Variants in CEP57 observed in about 807,000 individuals in gnomAD.
CEP57 encodes the protein centrosomal protein of 57 kDa.
In CEP57, 40 loss-of-function variants were observed where a neutral mutation model predicts 68.0. The observed-to-expected ratio is 0.59, with a 90% CI of 0.46 to 0.77. CEP57 has a LOEUF of 0.77. Ranked by LOEUF, CEP57 falls within the 30% of genes least tolerant of loss-of-function variation. CEP57 has a pLI of 0.00. For synonymous variants in CEP57, 219 were observed against 198.7 expected, an observed-to-expected ratio of 1.10 and a Z score of -0.86; for missense variants, 606 against 580.7, an observed-to-expected ratio of 1.04 and a Z score of -0.45.
intron 6 of CEP57, 149 bp downstream of exon 6, chr11:95,819,053 A>T: frequency 1.5e-6 from 1 of 679,770 alleles, no homozygotes; most frequent in Non-Finnish European, 2.6e-6. Context: ...GTAGAAAATT[A>T]TGAACAAGTA....
intron 2 of CEP57, among the ~76,000 whole-genome samples, chr11:95,808,023 G>A (rs535526973): frequency 3.3e-5 from 5 of 152,146 alleles, no homozygotes; most frequent in African/African-American, 7.2e-5. Flanking sequence ...CAGATCTCTC[G>A]GCAGAAACTA....
chr11:95,809,475 C>T (rs562040246), intron 2 of CEP57, among the ~76,000 whole-genome samples: 4 of 151,972 alleles, frequency 2.6e-5, no homozygotes, highest in East Asian at 1.9e-4. Context: ...AGAAGTAAAG[C>T]GAGAAGAATC....
chr11:95,797,791 AGTTT>A (rs1861413388), intron 1 of CEP57, among the ~76,000 whole-genome samples: 2 of 152,228 alleles, frequency 1.3e-5, no homozygotes, highest in Admixed American at 1.3e-4. Flanking sequence ...TTGGGGAACT[AGTTT>A]GTTAGTTAAT....
At chr11:95,798,445 G>GA (rs1381637250) in intron 1 of CEP57, among the ~76,000 whole-genome samples, 2 of 152,174 alleles carry the variant, frequency 1.3e-5, no homozygotes, top group Non-Finnish European at 2.9e-5. Flanking sequence ...GGTAAGAATT[G>GA]AAAAACATAG....
chr11:95,790,423 C>A (rs1860958317), upstream of CEP57: 1 of 544,502 alleles, frequency 1.8e-6, no homozygotes, highest in East Asian at 3.1e-5. Context: ...AGGGAAGAGG[C>A]GGATTCTCTC....
chr11:95,794,350 G>C (rs1334684223), intron 1 of CEP57: 2 of 455,658 alleles, frequency 4.4e-6, no homozygotes, highest in African/African-American at 4.0e-5. Flanking sequence ...TGAATTATCT[G>C]GTTCACAGAG....
At chr11:95,830,319 G>A (rs779160406) in intron 10 of CEP57, among the ~76,000 whole-genome samples, 9 of 152,040 alleles carry the variant, frequency 5.9e-5, no homozygotes, top group Non-Finnish European at 1.2e-4. Flanking sequence ...CTAAAACTTT[G>A]GCTGTTTTTT....
At chr11:95,800,950 G>C (rs1861551885) in intron 2 of CEP57, among the ~76,000 whole-genome samples, 1 of 151,506 alleles carries the variant, frequency 6.6e-6, no homozygotes, top group South Asian at 2.1e-4. Context: ...TTTTTTGAAA[G>C]TTGTGTTTAA....
Position 95,790,642 on chromosome 11 carries a change from G to T in CEP57, c.-57G>T. ...TGGGCGGCTCCCGAGTCTTGGAGAA[G>T]AGCACGAGAACCTAGACCGCCCCCG... On this transcript the variant is annotated 5_prime_UTR_variant, in exon 1 of 11. Transcript: ENST00000325542. The T allele has an allele frequency of 6.3e-7, 1 of 1,596,672 alleles. No homozygotes were observed. The highest frequency in any genetic ancestry group is 8.5e-7 in the Non-Finnish European group (1 of 1,170,376).
chr11:95,831,100 C>T lies in CEP57; in HGVS notation c.1347C>T (p.Asn449=), dbSNP rs749878218. Residue 449 remains asparagine, a synonymous_variant, in exon 11 of 11, where the codon AAC becomes AAT. Transcript: ENST00000325542. The part of the protein sequence containing the change: ...ATKKTLDEER[N]SSSRSGITGT... ...AAAAGACTCTTGATGAAGAAAGAAA[C>T]AGCAGCAGCCGTTCTGGAATCACAG... 1.9e-6 allele frequency: 3 copies of T among 1,613,178 alleles called. No individual in the cohort carries two copies. In the African/African-American group the frequency reaches 4.0e-5, roughly 22 times the overall value.
chr11:95,806,728 A>C (rs478734), intron 2 of CEP57, among the ~76,000 whole-genome samples: 6 of 152,028 alleles, frequency 3.9e-5, no homozygotes, highest in Non-Finnish European at 8.8e-5. Flanking sequence ...CTGGAAGCTC[A>C]AACTGGGTGG....
intron 2 of CEP57, among the ~76,000 whole-genome samples, chr11:95,810,305 G>A (rs553263223): frequency 1.8e-4 from 28 of 152,224 alleles, no homozygotes; most frequent in African/African-American, 5.1e-4. Flanking sequence ...CAGGGATGCC[G>A]TCTCTCACCA....
Position 95,790,553 on chromosome 11 carries a change from T to C in CEP57, c.-146T>C, listed in dbSNP as rs1415445554. 2 of 944,566 alleles carry C rather than the reference T, an allele frequency of 2.1e-6. No homozygotes were observed. The highest frequency in any genetic ancestry group is 3.3e-6 in the Non-Finnish European group (2 of 612,250). 58.5% of individuals were successfully genotyped at this position (944,566 alleles called of 1,614,324 possible). On this transcript the variant is annotated 5_prime_UTR_variant, in exon 1 of 11. Coordinates refer to ENST00000325542, the MANE Select transcript of CEP57 (RefSeq NM_014679.5). ...CCTGAGGGGGTGTGTTGCAGGGGTTTCCAAGCCCAGCACCAGCACCCTTGC... is the reference window on the plus strand; with the variant it reads ...CCTGAGGGGGTGTGTTGCAGGGGTTCCCAAGCCCAGCACCAGCACCCTTGC...
chr11:95,817,592 G>A (rs1231110056), intron 4 of CEP57, among the ~76,000 whole-genome samples, 195 bp from the exon 5 acceptor site: 1 of 152,098 alleles, frequency 6.6e-6, no homozygotes, highest in African/African-American at 2.4e-5. Context: ...ATAGCTATAA[G>A]CCAAGGCAAC....
chr11:95,830,422 A>G (rs968396221), intron 10 of CEP57, among the ~76,000 whole-genome samples: 1 of 152,224 alleles, frequency 6.6e-6, no homozygotes, highest in South Asian at 2.1e-4. Flanking sequence ...AATTAGACTT[A>G]TTCTATTGGA....
In CEP57 at chr11:95,831,906, G is replaced by A. The variant is rs528471462; in HGVS notation, c.*650G>A. The A allele has an allele frequency of 4.6e-5, 7 of 152,116 alleles. No homozygotes were observed. The South Asian group carries it at 1.5e-3, about 32-fold the overall frequency. 9.4% of individuals were successfully genotyped at this position (152,116 alleles called of 1,614,324 possible). On this transcript the variant is annotated 3_prime_UTR_variant, in exon 11 of 11. Coordinates refer to ENST00000325542, the MANE Select transcript of CEP57 (RefSeq NM_014679.5). ...GTTATATCTATAAAAATTATAAAAG[G>A]ATTTTTGAAAGTATAAACAAATTGT... is the stretch of plus-strand genomic sequence containing the variant.
upstream of CEP57, chr11:95,790,338 C>A (rs778390522): frequency 2.1e-5 from 8 of 384,834 alleles, no homozygotes; most frequent in Admixed American, 2.9e-4. Context: ...CCGTAGAATC[C>A]CCGCAGAGCC....
At chr11:95,812,656 T>A (rs903375512) in intron 2 of CEP57, among the ~76,000 whole-genome samples, 30 of 152,064 alleles carry the variant, frequency 2.0e-4, no homozygotes, top group Non-Finnish European at 2.2e-4. Flanking sequence ...GTTAGGCTGG[T>A]CTCGAACTCC....
intron 2 of CEP57, among the ~76,000 whole-genome samples, chr11:95,808,729 A>G (rs1167453729): frequency 1.3e-5 from 2 of 152,164 alleles, no homozygotes; most frequent in African/African-American, 4.8e-5. Context: ...CTGCAAAGAG[A>G]CTCAGACTCC....
Sources: gnomAD v4.1 joint callset for allele counts (sites outside exome capture counted in the v4.1 genomes callset) on GRCh38, gnomAD v4.1.1 for gene constraint, MANE v1.5 for transcripts, NCBI Gene and HGNC (gene_info 2026-07-23, HGNC 2026-07-21) for gene names.